The following NPRL2 variants were observed in gnomAD, a reference collection of about 807,000 sequenced individuals.
NPRL2 encodes the protein GATOR1 complex protein NPRL2.
A neutral mutation model predicts 51.1 loss-of-function variants in NPRL2; 21 were observed. That is an observed-to-expected ratio of 0.41 (90% CI 0.29 to 0.59). The LOEUF (loss-of-function observed/expected upper bound fraction) is 0.59. NPRL2 is among the 20% of genes least tolerant of loss of function. The pLI is 0.29. For missense variants in NPRL2, 376 were observed against 483.4 expected, an observed-to-expected ratio of 0.78 and a Z score of 2.08; for synonymous variants, 175 against 187.8, an observed-to-expected ratio of 0.93 and a Z score of 0.56.
rs1229929263 is a variant in NPRL2, at chr3:50,350,565, C to T, written c.78+10G>A. The T allele has an allele frequency of 6.2e-7, 1 of 1,601,888 alleles. No individual in the cohort carries two copies. The highest frequency in any genetic ancestry group is 1.3e-5 in the African/African-American group (1 of 74,684). On this transcript the variant is annotated intron_variant, in intron 1 of 10. Coordinates refer to ENST00000232501, the MANE Select transcript of NPRL2 (RefSeq NM_006545.5). The surrounding 1 kb of genome is among the most constrained non-coding windows in gnomAD (Gnocchi z 5.7). ...CTCTTCCCGCCCAGTCCCGCGAGCC[C>T]GGGTGGCACCTGATAGGTGATCTTG...
chr3:50,348,833 G>A lies in NPRL2; in HGVS notation c.585+41C>T, dbSNP rs752823749. The A allele has an allele frequency of 1.2e-6, 2 of 1,613,812 alleles. No homozygotes were observed. Among genetic ancestry groups the A allele is most frequent in the Admixed American group, 3.3e-5 (2 of 60,022 alleles). On this transcript the variant is annotated intron_variant, in intron 5 of 10. Transcript: ENST00000232501. The surrounding 1 kb of genome is among the most constrained non-coding windows in gnomAD (Gnocchi z 5.8). ...AGAAACAGGATGAGGCCAGGGCTGTGGCCAGCCCCAGGTGATGATACCCAG... is the reference window on the plus strand; with the variant it reads ...AGAAACAGGATGAGGCCAGGGCTGTAGCCAGCCCCAGGTGATGATACCCAG...
Position 50,348,244 on chromosome 3 carries a change from G to A in NPRL2, c.815-3C>T. 1 of 1,613,948 alleles carries A rather than the reference G, an allele frequency of 6.2e-7. No individual in the cohort carries two copies. Among genetic ancestry groups the A allele is most frequent in the South Asian group, 1.1e-5 (1 of 91,092 alleles). On this transcript the variant is annotated splice_region_variant and splice_polypyrimidine_tract_variant and intron_variant, in intron 8 of 10. Coordinates refer to ENST00000232501, the MANE Select transcript of NPRL2 (RefSeq NM_006545.5). The surrounding 1 kb of genome is among the most constrained non-coding windows in gnomAD (Gnocchi z 5.8). ...CCGGAGACTGGCCCTCTTGTGCCCT[G>A]TGGGTGCCAGGGATCAGCTCATCAT...
rs369282013 is a variant in NPRL2, at chr3:50,348,302, A to G, written c.814+15T>C. 9.3e-6 allele frequency: 15 copies of G among 1,613,728 alleles called. No homozygotes were observed. In the African/African-American group the frequency reaches 2.0e-4, roughly 22 times the overall value. ...TGCCCTCCCCAAGATGGCTTCCCCC[A>G]GAACCCACCACTACCTTGCTTGGTC... On this transcript the variant is annotated intron_variant, in intron 8 of 10. Coordinates refer to ENST00000232501, the MANE Select transcript of NPRL2 (RefSeq NM_006545.5). This position sits in a 1 kb window ranked among gnomAD's most constrained non-coding sequence, Gnocchi z 5.8.
Position 50,348,428 on chromosome 3 carries a change from G to T in NPRL2, c.721-18C>A, listed in dbSNP as rs1703633246. ...TTGGAGTACTAGAGGGTAGCAGAAG[G>T]CATAGGGGCCTGAGTGAGGGGCTTG... On this transcript the variant is annotated intron_variant, in intron 7 of 10. Coordinates refer to ENST00000232501, the MANE Select transcript of NPRL2 (RefSeq NM_006545.5). The surrounding 1 kb of genome is among the most constrained non-coding windows in gnomAD (Gnocchi z 5.8). 6.2e-7 allele frequency: 1 copy of T among 1,613,276 alleles called. No homozygotes were observed. Among genetic ancestry groups the T allele is most frequent in the African/African-American group, 1.3e-5 (1 of 74,922 alleles).
At position 50,349,979 on chromosome 3, in the gene NPRL2, T is replaced by G; in HGVS notation, c.122A>C (p.Gln41Pro). 2 of 1,613,932 alleles carry G rather than the reference T, an allele frequency of 1.2e-6. No homozygotes were observed. Among genetic ancestry groups the G allele is most frequent in the Non-Finnish European group, 1.7e-6 (2 of 1,180,010 alleles). Residue 41 changes from glutamine to proline, a missense_variant, in exon 2 of 11, where the codon CAA becomes CCA. Gln to Pro is a moderately conservative substitution (Grantham distance 76). Transcript: ENST00000232501. The surrounding 1 kb of genome is among the most constrained non-coding windows in gnomAD (Gnocchi z 4.6). Reference sequence around the variant, plus strand: ...CTCTGGCTTGGTGATGATGTACACTTGGACTGTGTCAAACAGCTCTCGGGA... The same window carrying G: ...CTCTGGCTTGGTGATGATGTACACTGGGACTGTGTCAAACAGCTCTCGGGA... Reference protein sequence around the residue: ...FISRELFDTVQVYIITKPELQ... With the variant: ...FISRELFDTVPVYIITKPELQ...
Position 50,349,965 on chromosome 3 carries a change from T to C in NPRL2, c.136A>G (p.Thr46Ala). 1 of 1,613,882 alleles carries C rather than the reference T, an allele frequency of 6.2e-7. No homozygotes were observed. The highest frequency in any genetic ancestry group is 8.5e-7 in the Non-Finnish European group (1 of 1,179,994). Reference sequence around the variant, plus strand: ...AGCTTGTTCTGCAGCTCTGGCTTGGTGATGATGTACACTTGGACTGTGTCA... The same window carrying C: ...AGCTTGTTCTGCAGCTCTGGCTTGGCGATGATGTACACTTGGACTGTGTCA... ...LFDTVQVYII[T>A]KPELQNKLIT... The change falls in exon 2 of 11, where the codon ACC (threonine) becomes GCC (alanine). Residue 46 changes from threonine (T) to alanine (A), a missense_variant. Transcript: ENST00000232501. This position sits in a 1 kb window ranked among gnomAD's most constrained non-coding sequence, Gnocchi z 4.6.
In NPRL2 at chr3:50,349,429, C is replaced by A; in HGVS notation, c.405G>T (p.Leu135Phe). Residue 135 changes from leucine (L) to phenylalanine (F), a missense_variant, in exon 4 of 11, where the codon TTG becomes TTT. Coordinates refer to ENST00000232501, the MANE Select transcript of NPRL2 (RefSeq NM_006545.5). The surrounding 1 kb of genome is among the most constrained non-coding windows in gnomAD (Gnocchi z 4.6). ...GGCCTGAGGCATTTAGCTCCTCCAGCAAGATGGTCATGATGGGCACCAACT... is the reference window on the plus strand; with the variant it reads ...GGCCTGAGGCATTTAGCTCCTCCAGAAAGATGGTCATGATGGGCACCAACT... ...KQKLVPIMTI[L>F]LEELNASGRC... 1 of 1,613,766 alleles carries A rather than the reference C, an allele frequency of 6.2e-7. No homozygotes were observed. Among genetic ancestry groups the A allele is most frequent in the Non-Finnish European group, 8.5e-7 (1 of 1,180,022 alleles).
At position 50,350,017 on chromosome 3, in the gene NPRL2, A is replaced by C; in HGVS notation, c.84T>G (p.Pro28=). The part of the protein sequence containing the change: ...TLGPKITYQV[P]EDFISRELFD... Reference sequence around the variant, plus strand: ...ACAGCTCTCGGGAGATGAAGTCTTCAGGGACCTGGGGAGGGGAGTGGCAAT... The same window carrying C: ...ACAGCTCTCGGGAGATGAAGTCTTCCGGGACCTGGGGAGGGGAGTGGCAAT... The change falls in exon 2 of 11, where the codon CCT becomes CCG. Residue 28 remains proline, a synonymous_variant. Transcript: ENST00000232501. This position sits in a 1 kb window ranked among gnomAD's most constrained non-coding sequence, Gnocchi z 5.7. 6.2e-7 allele frequency: 1 copy of C among 1,613,794 alleles called. No homozygotes were observed. The highest frequency in any genetic ancestry group is 8.5e-7 in the Non-Finnish European group (1 of 1,179,968).
chr3:50,347,332 T>C lies in NPRL2; in HGVS notation c.*274A>G. ...GGTGAGTCACCGCATCAGGACGATT[T>C]TTTTTTTTTTTTTTTTTTTTTTTTG... On this transcript the variant is annotated 3_prime_UTR_variant, in exon 11 of 11. Coordinates refer to ENST00000232501, the MANE Select transcript of NPRL2 (RefSeq NM_006545.5). 5.4e-6 allele frequency: 1 copy of C among 186,822 alleles called. No individual in the cohort carries two copies. Among genetic ancestry groups the C allele is most frequent in the Non-Finnish European group, 1.1e-5 (1 of 93,266 alleles). 11.6% of individuals were successfully genotyped at this position (186,822 alleles called of 1,614,324 possible).
In NPRL2 at chr3:50,350,375, A is replaced by C. The variant is rs587647254; in HGVS notation, c.78+200T>G. On this transcript the variant is annotated intron_variant, in intron 1 of 10. Transcript: ENST00000232501. This position sits in a 1 kb window ranked among gnomAD's most constrained non-coding sequence, Gnocchi z 5.7. The stretch of plus-strand genomic sequence containing the variant: ...GGATCCCTACAGCCCGATATCCTAC[A>C]AACACTGCCAATGTGACGTATGTCT... 1.1e-4 allele frequency: 71 copies of C among 641,102 alleles called. No individual in the cohort carries two copies. In the African/African-American group the frequency reaches 1.3e-3, roughly 11 times the overall value. The allele number at this position is 641,102 out of a possible 1,614,324, so 39.7% of individuals were successfully genotyped here.
chr3:50,347,928 G>A (rs1703614924), intron 9 of NPRL2, 27 bp from the exon 10 acceptor site: 4 of 1,612,954 alleles, frequency 2.5e-6, no homozygotes, highest in Non-Finnish European at 3.4e-6. Flanking sequence ...AGGACGGGGT[G>A]ACGCCCTGGC....
Position 50,347,609 on chromosome 3 carries a change from C to T in NPRL2, c.1140G>A (p.Lys380=), listed in dbSNP as rs745723301. The T allele has an allele frequency of 6.0e-5, 97 of 1,614,000 alleles. No individual in the cohort carries two copies. Among genetic ancestry groups the T allele is most frequent in the South Asian group, 2.2e-4 (20 of 91,090 alleles). Residue 380 remains lysine (K), a synonymous_variant, in exon 11 of 11, where the codon AAG becomes AAA. Transcript: ENST00000232501. ...ENDPNIIICW[K] is the part of the protein sequence containing the mutation. ...GTCCATCCAGTCACTACCAGCCTCA[C>T]TTCCAGCAGATGATGATGTTGGGGT...
chr3:50,349,104 G>A lies in NPRL2; in HGVS notation c.449-94C>T, dbSNP rs1703658737. On this transcript the variant is annotated intron_variant, in intron 4 of 10. Transcript: ENST00000232501. This position sits in a 1 kb window ranked among gnomAD's most constrained non-coding sequence, Gnocchi z 4.6. The stretch of plus-strand genomic sequence containing the variant: ...TCCCAGCATCCCTTGGGGCAAGCAG[G>A]TGCCTCTGGGTAGGGCTAATCTTTC... 9 of 1,434,208 alleles carry A rather than the reference G, an allele frequency of 6.3e-6. No individual in the cohort carries two copies. Among genetic ancestry groups the A allele is most frequent in the Admixed American group, 2.0e-5 (1 of 49,002 alleles). The allele number at this position is 1,434,208 out of a possible 1,614,324, so 88.8% of individuals were successfully genotyped here. A position where few individuals can be genotyped will look rare whatever the true frequency, so the allele number is the denominator to read the frequency against.
rs1703706753 is a variant in NPRL2 at position 50,350,105 on chromosome 3, A to G, written c.79-83T>C. 5 of 1,120,554 alleles carry G rather than the reference A, an allele frequency of 4.5e-6. No individual in the cohort carries two copies. The highest frequency in any genetic ancestry group is 6.7e-6 in the Non-Finnish European group (5 of 746,664). The allele number at this position is 1,120,554 out of a possible 1,614,324, so 69.4% of individuals were successfully genotyped here. The stretch of plus-strand genomic sequence containing the variant: ...AATGGTGACCTCCTCATGCCCCCCA[A>G]GCCCAAGTCCTCTTCTCCAGCGTTC... On this transcript the variant is annotated intron_variant, in intron 1 of 10. Transcript: ENST00000232501. This position sits in a 1 kb window ranked among gnomAD's most constrained non-coding sequence, Gnocchi z 5.7.
rs1703593867 is a variant in NPRL2, at chr3:50,347,524, G to C, written c.*82C>G. 1.3e-6 allele frequency: 2 copies of C among 1,532,156 alleles called. No homozygotes were observed. Among genetic ancestry groups the C allele is most frequent in the African/African-American group, 2.7e-5 (2 of 72,876 alleles). 94.9% of individuals were successfully genotyped at this position (1,532,156 alleles called of 1,614,324 possible). ...TGGATGTCTTTATTTACAGAACTAA[G>C]AGTCAACCTCTAGACAGTATGACAA... On this transcript the variant is annotated 3_prime_UTR_variant, in exon 11 of 11. Coordinates refer to ENST00000232501, the MANE Select transcript of NPRL2 (RefSeq NM_006545.5).
rs1256715627 is a variant in NPRL2 at position 50,347,787 on chromosome 3, G to A, written c.1047C>T (p.His349=). The A allele has an allele frequency of 1.1e-5, 18 of 1,613,846 alleles. No homozygotes were observed. The highest frequency in any genetic ancestry group is 1.5e-5 in the Non-Finnish European group (18 of 1,180,062). ...SHPARLYTGC[H]SYDEICCKTG... ...TCTTGCAGCAGATCTCGTCATAGCTGTGGCAGCCTGTATAAAGCCGGGCAG... is the reference window on the plus strand; with the variant it reads ...TCTTGCAGCAGATCTCGTCATAGCTATGGCAGCCTGTATAAAGCCGGGCAG... Residue 349 remains histidine, a synonymous_variant, in exon 10 of 11, where the codon CAC becomes CAT. Transcript: ENST00000232501.
chr3:50,348,931 G>A lies in NPRL2; in HGVS notation c.528C>T (p.Val176=). The A allele has an allele frequency of 6.2e-7, 1 of 1,614,094 alleles. No homozygotes were observed. Among genetic ancestry groups the A allele is most frequent in the Non-Finnish European group, 8.5e-7 (1 of 1,180,026 alleles). Residue 176 remains valine, a synonymous_variant, in exon 5 of 11, where the codon GTC becomes GTT. Coordinates refer to ENST00000232501, the MANE Select transcript of NPRL2 (RefSeq NM_006545.5). The surrounding 1 kb of genome is among the most constrained non-coding windows in gnomAD (Gnocchi z 5.8). ...AGAAATCCTCCTTGTCTTTGGTAAA[G>A]ACAGGTACATCATACTCCTGGGCCA... The part of the protein sequence containing the change: ...PPVAQEYDVP[V]FTKDKEDFFN...
rs1703651227 is a variant in NPRL2, at chr3:50,348,933, C to G, written c.526G>C (p.Val176Leu). 1 of 1,614,086 alleles carries G rather than the reference C, an allele frequency of 6.2e-7. No individual in the cohort carries two copies. The highest frequency in any genetic ancestry group is 8.5e-7 in the Non-Finnish European group (1 of 1,180,026). Residue 176 changes from valine to leucine, a missense_variant, in exon 5 of 11, where the codon GTC becomes CTC. Val to Leu is a conservative substitution (Grantham distance 32). Transcript: ENST00000232501. The surrounding 1 kb of genome is among the most constrained non-coding windows in gnomAD (Gnocchi z 5.8). ...AAATCCTCCTTGTCTTTGGTAAAGA[C>G]AGGTACATCATACTCCTGGGCCACC... Reference protein sequence around the residue: ...PPVAQEYDVPVFTKDKEDFFN... With the variant: ...PPVAQEYDVPLFTKDKEDFFN...
In NPRL2 at chr3:50,347,612, C is replaced by T; in HGVS notation, c.1137G>A (p.Trp379Ter). The stretch of plus-strand genomic sequence containing the variant: ...CATCCAGTCACTACCAGCCTCACTT[C>T]CAGCAGATGATGATGTTGGGGTCAT... Reference protein sequence around the residue: ...LENDPNIIICWK With the variant: ...LENDPNIIIC The change falls in exon 11 of 11, where the codon TGG becomes TGA. Residue 379 changes from tryptophan to a stop codon, truncating the protein, a stop_gained. Transcript: ENST00000232501. LOFTEE classifies it high-confidence loss of function. 1 of 1,614,100 alleles carries T rather than the reference C, an allele frequency of 6.2e-7. No individual in the cohort carries two copies. The highest frequency in any genetic ancestry group is 8.5e-7 in the Non-Finnish European group (1 of 1,180,038).
Sources: allele counts gnomAD v4.1 joint callset, GRCh38; gene constraint gnomAD v4.1.1; non-coding constraint Gnocchi (gnomAD v3.1); transcripts MANE v1.5; gene names NCBI Gene and HGNC (gene_info 2026-07-23, HGNC 2026-07-21).